ETV6: variants seen among roughly 807,000 people sequenced by gnomAD.
The protein encoded by ETV6 is ETS variant transcription factor 6.
ETV6 carries 16 observed loss-of-function variants against 51.1 expected under a neutral mutation model. The observed-to-expected ratio is 0.31, with a 90% confidence interval of 0.21 to 0.48. The LOEUF (loss-of-function observed/expected upper bound fraction) is 0.48. ETV6 is among the 20% of genes least tolerant of loss of function. The pLI is 0.99. For missense variants in ETV6, 458 were observed against 594.8 expected (o/e 0.77, Z 2.39); for synonymous variants, 240 against 224.1 (o/e 1.07, Z -0.64).
chr12:11,693,241 T>C (rs928812507), intron 1 of ETV6, among the ~76,000 whole-genome samples: 1 of 152,006 alleles, frequency 6.6e-6, no homozygotes, highest in African/African-American at 2.4e-5. Flanking sequence ...TGGGAGAACA[T>C]TTGCCACGCA....
chr12:11,744,258 A>G (rs1403046062), intron 1 of ETV6, among the ~76,000 whole-genome samples: 1 of 152,236 alleles, frequency 6.6e-6, no homozygotes, highest in Non-Finnish European at 1.5e-5. Context: ...GACAACGCAG[A>G]TTGGCTAATT....
At chr12:11,864,037 C>T (rs1043250194) in intron 4 of ETV6, among the ~76,000 whole-genome samples, 1 of 152,336 alleles carries the variant, frequency 6.6e-6, no homozygotes, top group South Asian at 2.1e-4. Context: ...AATCAAGCTC[C>T]TCCAAGTCCT....
At chr12:11,714,198 G>A (rs1865226865) in intron 1 of ETV6, among the ~76,000 whole-genome samples, 1 of 152,160 alleles carries the variant, frequency 6.6e-6, no homozygotes, top group African/African-American at 2.4e-5. Context: ...AGAGGAAGGA[G>A]GAGGTAATAA....
intron 1 of ETV6, among the ~76,000 whole-genome samples, chr12:11,657,511 G>A (rs1485334223): frequency 2.6e-5 from 4 of 152,190 alleles, no homozygotes; most frequent in Admixed American, 2.6e-4. Flanking sequence ...AAAATGGTTG[G>A]CATAAGAATA....
intron 4 of ETV6, among the ~76,000 whole-genome samples, chr12:11,868,974 C>T (rs1029901033): frequency 3.9e-5 from 6 of 152,134 alleles, no homozygotes; most frequent in Admixed American, 2.6e-4. Context: ...CGGTGGCTCA[C>T]GCCTGTAATC....
intron 2 of ETV6, among the ~76,000 whole-genome samples, chr12:11,828,150 G>C (rs1198971852): frequency 6.6e-6 from 1 of 152,110 alleles, no homozygotes; most frequent in African/African-American, 2.4e-5. Context: ...CTGCCCTGCA[G>C]TATAGGAAAT....
chr12:11,785,865 A>C (rs1382733055), intron 2 of ETV6, among the ~76,000 whole-genome samples: 1 of 152,206 alleles, frequency 6.6e-6, no homozygotes, highest in African/African-American at 2.4e-5. Flanking sequence ...CCTCTAGCTT[A>C]AACTCTTGAG....
intron 1 of ETV6, among the ~76,000 whole-genome samples, chr12:11,695,284 G>A (rs1864853559): frequency 6.6e-6 from 1 of 152,158 alleles, no homozygotes; most frequent in South Asian, 2.1e-4. Flanking sequence ...ATAGGGACAG[G>A]GATAGAATGG....
At chr12:11,840,378 G>C (rs2136466007) in intron 3 of ETV6, 8 of 455,584 alleles carry the variant, frequency 1.8e-5, no homozygotes, top group South Asian at 1.2e-4. Context: ...TGTCAAAGGG[G>C]AACTGTGGTC....
At chr12:11,835,368 T>C (rs1430573820) in intron 2 of ETV6, among the ~76,000 whole-genome samples, 1 of 152,230 alleles carries the variant, frequency 6.6e-6, no homozygotes. Flanking sequence ...CTCCTTTTTT[T>C]CCTTTTCCTA....
rs201517292 is a variant in ETV6 at position 11,890,974 on chromosome 12, C to A, written c.1287C>A (p.Gly429=). 3.7e-6 allele frequency: 6 copies of A among 1,613,772 alleles called. No individual in the cohort carries two copies. The highest frequency in any genetic ancestry group is 4.2e-6 in the Non-Finnish European group (5 of 1,179,806). ...FMKTPDEIMS[G]RTDRLEHLES... ...AAACCCCAGATGAAATCATGAGTGGCCGAACAGACCGTCTGGAGCACCTAG... is the reference window on the plus strand; with the variant it reads ...AAACCCCAGATGAAATCATGAGTGGACGAACAGACCGTCTGGAGCACCTAG... Residue 429 remains glycine, a synonymous_variant, in exon 8 of 8, where the codon GGC becomes GGA. Coordinates refer to ENST00000396373, the MANE Select transcript of ETV6 (RefSeq NM_001987.5).
At chr12:11,716,333 A>G (rs1417321305) in intron 1 of ETV6, among the ~76,000 whole-genome samples, 1 of 31,140 alleles carries the variant, frequency 3.2e-5, no homozygotes, top group Non-Finnish European at 6.9e-5. Context: ...TCCTTCTCAA[A>G]AAAAAAAAAA....
intron 2 of ETV6, among the ~76,000 whole-genome samples, chr12:11,813,271 C>T (rs1048449800): frequency 1.3e-5 from 2 of 152,224 alleles, no homozygotes; most frequent in Non-Finnish European, 2.9e-5. Context: ...CCTGCCCCTC[C>T]TCACCCCAGC....
At chr12:11,802,395 G>A (rs1945764083) in intron 2 of ETV6, among the ~76,000 whole-genome samples, 1 of 152,210 alleles carries the variant, frequency 6.6e-6, no homozygotes, top group South Asian at 2.1e-4. Flanking sequence ...CATTAATAGG[G>A]CTTTGGAAAC....
chr12:11,752,439 A>AT lies in ETV6; in HGVS notation c.34-6dup, dbSNP rs1211690737. On this transcript the variant is annotated splice_polypyrimidine_tract_variant and intron_variant, in intron 1 of 7. Transcript: ENST00000396373. Reference sequence around the variant, plus strand: ...CTCCCCCTCCCCTCTTCCTGCCCTTATTTTTAACAGCAGGAACGAATTTCA... The same window carrying AT: ...CTCCCCCTCCCCTCTTCCTGCCCTTATTTTTTAACAGCAGGAACGAATTTCA... 9 of 1,602,846 alleles carry AT rather than the reference A, an allele frequency of 5.6e-6. No individual in the cohort carries two copies. The highest frequency in any genetic ancestry group is 1.3e-5 in the African/African-American group (1 of 74,528).
chr12:11,796,218 T>C (rs947341757), intron 2 of ETV6, among the ~76,000 whole-genome samples: 3 of 152,310 alleles, frequency 2.0e-5, no homozygotes, highest in African/African-American at 7.2e-5. Flanking sequence ...GGACTAGTTA[T>C]GATGCATTTG....
chr12:11,682,558 CTTTAG>C lies in ETV6; in HGVS notation c.33+32403_33+32407del, dbSNP rs2120751045. Among the ~76,000 whole-genome samples the C allele has an allele frequency of 2.0e-5, 3 of 152,248 alleles. No individual in the cohort carries two copies. In the South Asian group the frequency reaches 6.2e-4, roughly 32 times the overall value. On this transcript the variant is annotated intron_variant, in intron 1 of 7. Coordinates refer to ENST00000396373, the MANE Select transcript of ETV6 (RefSeq NM_001987.5). ...TAGTTTCTTTTGCTGAGCAGAAGCT[CTTTAG>C]TTTAATTAGATCCCATTTGTCAATT...
chr12:11,888,398 C>CTTTTCTTTT (rs753710183), intron 7 of ETV6, among the ~76,000 whole-genome samples: 3,101 of 80,556 alleles, frequency 0.038, 83 homozygotes, highest in Non-Finnish European at 0.059. Flanking sequence ...CTTTTCTTTT[C>CTTTTCTTTT]TTTTTTTTTT....
At chr12:11,719,189 G>A (rs1413604916) in intron 1 of ETV6, among the ~76,000 whole-genome samples, 1 of 152,222 alleles carries the variant, frequency 6.6e-6, no homozygotes, top group African/African-American at 2.4e-5. Flanking sequence ...GTATACTGGA[G>A]TCTGGAATCC....
Sources: gnomAD v4.1 joint callset for allele counts (sites outside exome capture counted in the v4.1 genomes callset) on GRCh38, gnomAD v4.1.1 for gene constraint, MANE v1.5 for transcripts, NCBI Gene and HGNC (gene_info 2026-07-23, HGNC 2026-07-21) for gene names.